CPA1: variants seen among roughly 807,000 people sequenced by gnomAD.
CPA1 encodes carboxypeptidase A1.
A neutral mutation model predicts 48.7 loss-of-function variants in CPA1; 42 were observed. That is an observed-to-expected ratio of 0.86 (90% CI 0.67 to 1.11). The LOEUF (loss-of-function observed/expected upper bound fraction) is 1.11, where lower values mean the gene tolerates loss of function less well. Among genes scored for constraint, CPA1 ranks in the 50% most tolerant of loss-of-function variants. CPA1 has a pLI of 0.00. For missense variants in CPA1, 477 were observed against 544.7 expected, an observed-to-expected ratio of 0.88 and a Z score of 1.24; for synonymous variants, 203 against 217.9, an observed-to-expected ratio of 0.93 and a Z score of 0.60.
At position 130,387,827 on chromosome 7, in the gene CPA1, A is replaced by G. The variant is rs1562968788; in HGVS notation, c.1076A>G (p.Gln359Arg). 1 of 1,613,706 alleles carries G rather than the reference A, an allele frequency of 6.2e-7. No homozygotes were observed. The highest frequency in any genetic ancestry group is 1.7e-5 in the Admixed American group (1 of 59,918). Residue 359 changes from glutamine (Q) to arginine (R), a missense_variant, in exon 10 of 10, where the codon CAA becomes CGA. Coordinates refer to ENST00000011292, the MANE Select transcript of CPA1 (RefSeq NM_001868.4). The surrounding 1 kb of genome is among the most constrained non-coding windows in gnomAD (Gnocchi z 4.6). ...NYGSIIKAIY[Q>R]ASGSTIDWTY... ...TCCTATTTTACTCCTGCCCCAGATC[A>G]AGCCAGTGGAAGCACTATTGACTGG...
rs886538593 is a variant in CPA1, at chr7:130,385,200, A to T, written c.842A>T (p.Asn281Ile). ...CSETYHGKFA[N>I]SEVEVKSIVD... Reference sequence around the variant, plus strand: ...GAGACTTACCACGGCAAGTTTGCCAATTCCGAAGTGGAGGTCAAGTCCATT... The same window carrying T: ...GAGACTTACCACGGCAAGTTTGCCATTTCCGAAGTGGAGGTCAAGTCCATT... The change falls in exon 8 of 10, where the codon AAT becomes ATT. Residue 281 changes from asparagine (N) to isoleucine (I), a missense_variant. Coordinates refer to ENST00000011292, the MANE Select transcript of CPA1 (RefSeq NM_001868.4). The T allele has an allele frequency of 6.2e-7, 1 of 1,614,248 alleles. No individual in the cohort carries two copies. Among genetic ancestry groups the T allele is most frequent in the Non-Finnish European group, 8.5e-7 (1 of 1,180,042 alleles).
At chr7:130,381,945 G>GGCCAGCC (rs1258031154) in intron 3 of CPA1, 82 bp downstream of exon 3, 9 of 1,357,356 alleles carry the variant, frequency 6.6e-6, no homozygotes, top group Non-Finnish European at 8.2e-6. Flanking sequence ...CCAAGGCCAG[G>GGCCAGCC]GCCAGCCTGG....
At position 130,381,642 on chromosome 7, in the gene CPA1, C is replaced by G. The variant is rs782645631; in HGVS notation, c.160C>G (p.Arg54Gly). ...TTGTCCTCCCCAGCTGGACTTCTGG[C>G]GGGGGCCTGCCCACCCTGGCTCCCC... ...DLEHLQLDFWRGPAHPGSPID... is the reference protein window; with the variant it reads ...DLEHLQLDFWGGPAHPGSPID... The change falls in exon 3 of 10, where the codon CGG becomes GGG. Residue 54 changes from arginine (R) to glycine (G), a missense_variant. By Grantham distance (125) the Arg-to-Gly change is moderately radical. Coordinates refer to ENST00000011292, the MANE Select transcript of CPA1 (RefSeq NM_001868.4). 1.2e-6 allele frequency: 2 copies of G among 1,613,228 alleles called. No individual in the cohort carries two copies. The highest frequency in any genetic ancestry group is 1.3e-5 in the African/African-American group (1 of 74,914).
chr7:130,383,868 C>A, intron 6 of CPA1, 74 bp downstream of exon 6: 1 of 1,105,162 alleles, frequency 9.0e-7, no homozygotes, highest in Non-Finnish European at 1.4e-6. Flanking sequence ...TAGTTCACCC[C>A]TAATCTCAAG....
chr7:130,381,340 G>A (rs2117499591), intron 2 of CPA1, among the ~76,000 whole-genome samples, 161 bp downstream of exon 2: 1 of 152,190 alleles, frequency 6.6e-6, no homozygotes, highest in South Asian at 2.1e-4. Context: ...CCAGAGCCTT[G>A]CTGCCCTTGA....
chr7:130,385,965 C>G (rs782290810), intron 9 of CPA1, 42 bp downstream of exon 9: 5 of 1,520,394 alleles, frequency 3.3e-6, no homozygotes, highest in Non-Finnish European at 3.6e-6. Context: ...CTGCGAGGAA[C>G]ATCTGCTGGC....
At chr7:130,384,273 A>G (rs1341909168) in intron 6 of CPA1, 7 of 545,784 alleles carry the variant, frequency 1.3e-5, no homozygotes, top group Non-Finnish European at 2.3e-5. Flanking sequence ...GCCAAATGCC[A>G]TCCTATGGCC....
In CPA1 at chr7:130,387,837, A is replaced by T. The variant is rs1554412213; in HGVS notation, c.1086A>T (p.Gly362=). Reference sequence around the variant, plus strand: ...CTCCTGCCCCAGATCAAGCCAGTGGAAGCACTATTGACTGGACCTACAGCC... The same window carrying T: ...CTCCTGCCCCAGATCAAGCCAGTGGTAGCACTATTGACTGGACCTACAGCC... ...SIIKAIYQAS[G]STIDWTYSQG... is the part of the protein sequence containing the mutation. The change falls in exon 10 of 10, where the codon GGA becomes GGT. Residue 362 remains glycine (G), a synonymous_variant. Transcript: ENST00000011292. The surrounding 1 kb of genome is among the most constrained non-coding windows in gnomAD (Gnocchi z 4.6). 1 of 1,613,898 alleles carries T rather than the reference A, an allele frequency of 6.2e-7. No homozygotes were observed. Among genetic ancestry groups the T allele is most frequent in the South Asian group, 1.1e-5 (1 of 91,060 alleles).
At chr7:130,382,066 CAG>C (rs782140225) in intron 3 of CPA1, 40 bp from the exon 4 acceptor site, 1 of 1,543,426 alleles carries the variant, frequency 6.5e-7, no homozygotes, top group East Asian at 2.3e-5. Context: ...TCTGGGTGCC[CAG>C]AAGCTATTAA....
rs1326320891 is a variant in CPA1 at position 130,381,960 on chromosome 7, G to A, written c.381+97G>A. 14 of 1,247,880 alleles carry A rather than the reference G, an allele frequency of 1.1e-5. No individual in the cohort carries two copies. The Middle Eastern group carries it at 5.7e-4, about 51-fold the overall frequency. The allele number at this position is 1,247,880 out of a possible 1,614,324, so 77.3% of individuals were successfully genotyped here. A position where few individuals can be genotyped will look rare whatever the true frequency, so the allele number is the denominator to read the frequency against. The stretch of plus-strand genomic sequence containing the variant: ...CCAAGGCCAGGGCCAGCCTGGGTGT[G>A]CGCAGCGCCTGCTCTGTTTCCATGT... On this transcript the variant is annotated intron_variant, in intron 3 of 9. Transcript: ENST00000011292.
In CPA1 at chr7:130,381,189, G is replaced by A. The variant is rs782468456; in HGVS notation, c.147+10G>A. The stretch of plus-strand genomic sequence containing the variant: ...CCTGGAGCACCTGCAGGTCAGAAGA[G>A]GGGAGAAGGGCTCTCTGAGGCCCCA... On this transcript the variant is annotated intron_variant, in intron 2 of 9. Transcript: ENST00000011292. 3 of 1,605,536 alleles carry A rather than the reference G, an allele frequency of 1.9e-6. No homozygotes were observed. In the African/African-American group the frequency reaches 4.0e-5, roughly 21 times the overall value.
rs150556703 is a variant in CPA1, at chr7:130,387,377, G to C, written c.1073-447G>C. Among the ~76,000 whole-genome samples, 1 of 152,114 alleles carries C rather than the reference G, an allele frequency of 6.6e-6. No individual in the cohort carries two copies. Among genetic ancestry groups the C allele is most frequent in the Admixed American group, 6.5e-5 (1 of 15,274 alleles). ...TACCCACTGTTAATTACAGTTTCCC[G>C]GGCAAAGTTTCCTCCTAAAAGAAAG... On this transcript the variant is annotated intron_variant, in intron 9 of 9. Coordinates refer to ENST00000011292, the MANE Select transcript of CPA1 (RefSeq NM_001868.4). This position sits in a 1 kb window ranked among gnomAD's most constrained non-coding sequence, Gnocchi z 4.6.
At chr7:130,385,413 A>G (rs1174688956) in intron 8 of CPA1, 68 bp downstream of exon 8, 5 of 1,427,830 alleles carry the variant, frequency 3.5e-6, no homozygotes, top group Admixed American at 3.4e-5. Context: ...GCTTTCCCCC[A>G]TCAGACCTGC....
intron 6 of CPA1, chr7:130,384,288 C>A: frequency 1.8e-6 from 1 of 564,528 alleles, no homozygotes; most frequent in Admixed American, 3.1e-5. Flanking sequence ...ATGGCCTTCC[C>A]CACTCTCTTT....
At chr7:130,386,261 C>T (rs1443885050) in intron 9 of CPA1, among the ~76,000 whole-genome samples, 2 of 151,804 alleles carry the variant, frequency 1.3e-5, no homozygotes, top group African/African-American at 2.4e-5. Flanking sequence ...GGCAGGGCAC[C>T]GTGGCTCATG....
intron 6 of CPA1, 95 bp downstream of exon 6, chr7:130,383,889 C>A: frequency 1.1e-6 from 1 of 935,188 alleles, no homozygotes; most frequent in South Asian, 1.3e-5. Context: ...CCCCAGAAGT[C>A]AAGGGAGGGG....
rs578059439 is a variant in CPA1 at position 130,384,470 on chromosome 7, C to G, written c.697-66C>G. The stretch of plus-strand genomic sequence containing the variant: ...TGCTCTCTGCAGCCTCTGAACCACC[C>G]CCCACCCAGCACTGTGACAAGCGTC... On this transcript the variant is annotated intron_variant, in intron 6 of 9. Transcript: ENST00000011292. The G allele has an allele frequency of 1.4e-5, 20 of 1,442,640 alleles. No individual in the cohort carries two copies. In the African/African-American group the frequency reaches 2.2e-4, roughly 16 times the overall value. The allele number at this position is 1,442,640 out of a possible 1,614,324, so 89.4% of individuals were successfully genotyped here.
At position 130,385,832 on chromosome 7, in the gene CPA1, T is replaced by C. The variant is rs781849153; in HGVS notation, c.988-7T>C. On this transcript the variant is annotated splice_polypyrimidine_tract_variant and splice_region_variant and intron_variant, in intron 8 of 9. Coordinates refer to ENST00000011292, the MANE Select transcript of CPA1 (RefSeq NM_001868.4). ...TGACAGGTGGCTTTGCTTGGTGTTT[T>C]GTCCAGGATCAGCTTTCCAAGGCTG... is the stretch of plus-strand genomic sequence containing the variant. The C allele has an allele frequency of 6.8e-6, 11 of 1,613,266 alleles. No homozygotes were observed. Among genetic ancestry groups the C allele is most frequent in the Admixed American group, 5.0e-5 (3 of 59,966 alleles).
At chr7:130,381,945 G>A (rs1456811774) in intron 3 of CPA1, 82 bp downstream of exon 3, 1 of 1,357,354 alleles carries the variant, frequency 7.4e-7, no homozygotes, top group Non-Finnish European at 1.0e-6. Context: ...CCAAGGCCAG[G>A]GCCAGCCTGG....
Sources: gnomAD v4.1 joint callset for allele counts (sites outside exome capture counted in the v4.1 genomes callset) on GRCh38, gnomAD v4.1.1 for gene constraint, Gnocchi (gnomAD v3.1) non-coding constraint, MANE v1.5 for transcripts, NCBI Gene and HGNC (gene_info 2026-07-23, HGNC 2026-07-21) for gene names.